Variants in OR51B5 observed in about 807,000 individuals in gnomAD.
OR51B5 encodes olfactory receptor 51B5.
For synonymous variants in OR51B5, 186 were observed against 144.8 expected, an observed-to-expected ratio of 1.28 and a Z score of -2.04; for missense variants, 456 against 374.6, an observed-to-expected ratio of 1.22 and a Z score of -1.79.
chr11:5,475,343 T>C lies in OR51B5; in HGVS notation n.84+30226A>G, dbSNP rs575373637. Among the ~76,000 whole-genome samples, 21 of 152,310 alleles carry C rather than the reference T, an allele frequency of 1.4e-4. No homozygotes were observed. The South Asian group carries it at 4.4e-3, about 32-fold the overall frequency. ...ATATATTCAATCATTGTTCTCTTGTTCTGTTCCAACCAAAATGACCTCCTT... is the reference window on the plus strand; with the variant it reads ...ATATATTCAATCATTGTTCTCTTGTCCTGTTCCAACCAAAATGACCTCCTT... On this transcript the variant is annotated intron_variant and non_coding_transcript_variant, in intron 1 of 4. Coordinates refer to the OR51B5 transcript ENST00000415970.
chr11:5,447,103 A>G (rs1850778047), intron 1 of OR51B5, among the ~76,000 whole-genome samples: 1 of 152,146 alleles, frequency 6.6e-6, no homozygotes, highest in South Asian at 2.1e-4. Flanking sequence ...CCCCTAGGAG[A>G]TCATGTATCT....
chr11:5,380,878 GA>G (rs1486430889), intron 1 of OR51B5, among the ~76,000 whole-genome samples: 1 of 152,120 alleles, frequency 6.6e-6, no homozygotes, highest in African/African-American at 2.4e-5. Context: ...GTGCCCTGGG[GA>G]TAGTAGGGCC....
chr11:5,461,225 G>C (rs151211758), intron 1 of OR51B5, among the ~76,000 whole-genome samples: 2 of 152,318 alleles, frequency 1.3e-5, no homozygotes, highest in African/African-American at 4.8e-5. Context: ...GCGATGGTGG[G>C]TCTTCCTATT....
intron 1 of OR51B5, among the ~76,000 whole-genome samples, chr11:5,498,351 C>T (rs1851680103): frequency 1.3e-5 from 2 of 152,186 alleles, no homozygotes; most frequent in Non-Finnish European, 2.9e-5. Context: ...GCTTTCCATC[C>T]ATTAGCCAGG....
At chr11:5,408,374 C>A (rs61892050) in intron 1 of OR51B5, among the ~76,000 whole-genome samples, 1 of 133,958 alleles carries the variant, frequency 7.5e-6, no homozygotes, top group African/African-American at 2.7e-5. Context: ...CTCCCTCCCT[C>A]CCTCCCTTTC....
intron 1 of OR51B5, among the ~76,000 whole-genome samples, chr11:5,364,626 C>T (rs1423521802): frequency 1.3e-5 from 2 of 151,962 alleles, no homozygotes; most frequent in African/African-American, 4.8e-5. Context: ...CTCTCTCTTC[C>T]TCTTCTCACT....
chr11:5,417,713 A>G (rs1850264413), intron 1 of OR51B5, among the ~76,000 whole-genome samples: 2 of 151,654 alleles, frequency 1.3e-5, no homozygotes, highest in Non-Finnish European at 2.9e-5. Context: ...GCAAATCAAA[A>G]CCACAATGAG....
At chr11:5,404,271 C>A (rs781614254) in intron 1 of OR51B5, among the ~76,000 whole-genome samples, 3 of 152,130 alleles carry the variant, frequency 2.0e-5, no homozygotes, top group Admixed American at 6.5e-5. Context: ...TGTAAACACA[C>A]CAATCAGCAC....
intron 1 of OR51B5, among the ~76,000 whole-genome samples, chr11:5,429,227 G>T (rs1423867206): frequency 6.7e-6 from 1 of 148,904 alleles, no homozygotes; most frequent in Non-Finnish European, 1.5e-5. Context: ...CCCAGCCTTT[G>T]AGAGTTTGGG....
downstream of OR51B5, chr11:5,342,410 C>CTACATTTAGCTAAAGAGTTGGGCTT (rs1564911464): frequency 9.5e-6 from 3 of 316,352 alleles, no homozygotes; most frequent in African/African-American, 6.8e-5. Context: ...TTTGTACAAA[C>CTACATTTAGCTAAAGAGTTGGGCTT]TACATTTAGC....
At chr11:5,364,315 C>T (rs2736552) in intron 1 of OR51B5, among the ~76,000 whole-genome samples, 2 of 152,062 alleles carry the variant, frequency 1.3e-5, no homozygotes, top group South Asian at 4.2e-4. Flanking sequence ...CTTCACAAAA[C>T]CATTGGAATT....
At position 5,383,462 on chromosome 11, in the gene OR51B5, G is replaced by T. The variant is rs571406385; in HGVS notation, n.85-36552C>A. ...TTAAAAGCCACTGTGAACATCACATGGATAATCCTCTTCATATACTACATC... is the reference window on the plus strand; with the variant it reads ...TTAAAAGCCACTGTGAACATCACATTGATAATCCTCTTCATATACTACATC... On this transcript the variant is annotated intron_variant and non_coding_transcript_variant, in intron 1 of 4. Transcript: ENST00000415970. Among the ~76,000 whole-genome samples the T allele has an allele frequency of 1.8e-4, 28 of 152,318 alleles. No homozygotes were observed. In the South Asian group the frequency reaches 5.0e-3, roughly 27 times the overall value.
intron 1 of OR51B5, among the ~76,000 whole-genome samples, chr11:5,445,766 T>C (rs1850750899): frequency 6.6e-6 from 1 of 151,652 alleles, no homozygotes; most frequent in African/African-American, 2.4e-5. Context: ...AACTATACAA[T>C]GTATTGAACT....
At chr11:5,429,106 C>G (rs1282969786) in intron 1 of OR51B5, among the ~76,000 whole-genome samples, 1 of 152,164 alleles carries the variant, frequency 6.6e-6, no homozygotes, top group East Asian at 1.9e-4. Flanking sequence ...CACACAGAGC[C>G]AGACTCAGCA....
intron 1 of OR51B5, among the ~76,000 whole-genome samples, chr11:5,387,466 C>G (rs887496271): frequency 6.6e-6 from 1 of 151,872 alleles, no homozygotes; most frequent in African/African-American, 2.4e-5. Flanking sequence ...CTATTTTTTA[C>G]CCCTTGCCAA....
intron 1 of OR51B5, among the ~76,000 whole-genome samples, chr11:5,421,229 G>A (rs114442979): frequency 2.6e-5 from 4 of 152,258 alleles, no homozygotes; most frequent in Non-Finnish European, 4.4e-5. Context: ...ATCCTGAAGC[G>A]ACCTGCCACA....
chr11:5,357,539 AC>A (rs1849214194), intron 1 of OR51B5, among the ~76,000 whole-genome samples: 1 of 152,166 alleles, frequency 6.6e-6, no homozygotes, highest in African/African-American at 2.4e-5. Flanking sequence ...AGACTTTAAC[AC>A]CCCACTGTCA....
At chr11:5,452,628 GTCT>G (rs1410180885) in intron 1 of OR51B5, among the ~76,000 whole-genome samples, 1 of 148,012 alleles carries the variant, frequency 6.8e-6, no homozygotes, top group African/African-American at 2.5e-5. Flanking sequence ...GTGAATGAGC[GTCT>G]TCTTAGACTA....
intron 1 of OR51B5, among the ~76,000 whole-genome samples, chr11:5,377,262 C>T (rs1040991576): frequency 4.6e-5 from 7 of 151,692 alleles, no homozygotes; most frequent in South Asian, 2.1e-4. Context: ...ATTCAACAAC[C>T]CTTCATGCTA....
Sources: allele counts gnomAD v4.1 joint callset (sites outside exome capture counted in the v4.1 genomes callset), GRCh38; gene constraint gnomAD v4.1.1; transcripts MANE v1.5; gene names NCBI Gene and HGNC (gene_info 2026-07-23, HGNC 2026-07-21).